Variants in ATE1 observed in about 807,000 individuals in gnomAD.
ATE1 encodes the protein arginyltransferase 1, also known as arginyl-tRNA--protein transferase 1.
ATE1 carries 36 observed loss-of-function variants against 70.5 expected under a neutral mutation model. The ratio of observed to expected loss-of-function variants is 0.51; its 90% confidence interval spans 0.39 to 0.67. The LOEUF is 0.67. Ranked by LOEUF, ATE1 falls within the 30% of genes least tolerant of loss-of-function variation. The pLI is 0.00. For missense variants in ATE1, 593 were observed against 629.5 expected (o/e 0.94, Z 0.62); for synonymous variants, 232 against 219.3 (o/e 1.06, Z -0.51).
chr10:121,810,756 G>T (rs1013101385), intron 10 of ATE1, among the ~76,000 whole-genome samples: 10 of 152,084 alleles, frequency 6.6e-5, no homozygotes, highest in African/African-American at 2.4e-4. Context: ...AGGCTGGAGT[G>T]CAGTGGTGCA....
chr10:121,769,045 G>A (rs141711118), intron 11 of ATE1, among the ~76,000 whole-genome samples: 9 of 152,008 alleles, frequency 5.9e-5, no homozygotes, highest in Admixed American at 2.0e-4. Flanking sequence ...AGAAGCAAGA[G>A]TATTCTAAAA....
chr10:121,780,153 T>C (rs1590277289), intron 11 of ATE1, among the ~76,000 whole-genome samples: 2 of 152,348 alleles, frequency 1.3e-5, no homozygotes, highest in African/African-American at 2.4e-5. Context: ...ATTGCCTCCT[T>C]GACATCTCTA....
At chr10:121,763,304 C>CA (rs1244281891) in intron 11 of ATE1, among the ~76,000 whole-genome samples, 1 of 152,004 alleles carries the variant, frequency 6.6e-6, no homozygotes, top group East Asian at 1.9e-4. Context: ...CAAAAATACA[C>CA]AAAAAATGTT....
rs1946374334 is a variant in ATE1 at position 121,790,094 on chromosome 10, A to G, written c.1378+75T>C. 8 of 1,591,262 alleles carry G rather than the reference A, an allele frequency of 5.0e-6. No individual in the cohort carries two copies. In the African/African-American group the frequency reaches 6.7e-5, roughly 13 times the overall value. ...ATACAAAGCTACCTGGACCCTGTTA[A>G]GAGCCACAGCCACACACACATGGAT... On this transcript the variant is annotated intron_variant, in intron 11 of 11. Transcript: ENST00000224652.
chr10:121,902,771 T>C, intron 5 of ATE1, 151 bp from the exon 6 acceptor site: 1 of 755,474 alleles, frequency 1.3e-6, no homozygotes, highest in Non-Finnish European at 2.1e-6. Flanking sequence ...GATACAGAGC[T>C]GTAAGTGGAT....
rs899783194 is a variant in ATE1, at chr10:121,820,951, CTTTT to C, written c.1257+15763_1257+15766del. Among the ~76,000 whole-genome samples, 7 of 152,010 alleles carry C rather than the reference CTTTT, an allele frequency of 4.6e-5. No homozygotes were observed. The South Asian group carries it at 1.5e-3, about 32-fold the overall frequency. On this transcript the variant is annotated intron_variant, in intron 10 of 11. Coordinates refer to ENST00000224652, the MANE Select transcript of ATE1 (RefSeq NM_001001976.3). ...CTAAAATATATAGGAAAACATTTCC[CTTTT>C]TTTTGAGATGGAGTCTCGTTCTGTC...
intron 7 of ATE1, chr10:121,898,965 C>A: frequency 6.2e-7 from 1 of 1,613,214 alleles, no homozygotes; most frequent in Non-Finnish European, 8.5e-7. Context: ...AGGTACTAAC[C>A]TCACCTTCAG....
chr10:121,850,425 G>A (rs1188012688), intron 8 of ATE1, among the ~76,000 whole-genome samples: 3 of 152,180 alleles, frequency 2.0e-5, no homozygotes, highest in Non-Finnish European at 4.4e-5. Flanking sequence ...TCCATTCCTA[G>A]AGAAGCCTCC....
chr10:121,791,036 ATG>A (rs1183652462), intron 10 of ATE1, among the ~76,000 whole-genome samples: 46 of 149,186 alleles, frequency 3.1e-4, no homozygotes, highest in African/African-American at 1.1e-3. Flanking sequence ...ATATGTATAT[ATG>A]TGTATATATA....
At chr10:121,859,040 A>G (rs890029058) in intron 8 of ATE1, among the ~76,000 whole-genome samples, 1 of 151,964 alleles carries the variant, frequency 6.6e-6, no homozygotes, top group Non-Finnish European at 1.5e-5. Flanking sequence ...GGATGCTGTG[A>G]GCTGAGATCG....
chr10:121,846,953 T>G (rs1406947839), intron 8 of ATE1, among the ~76,000 whole-genome samples: 1 of 152,244 alleles, frequency 6.6e-6, no homozygotes, highest in East Asian at 1.9e-4. Flanking sequence ...GTTAACCTCT[T>G]ATAACTACAA....
chr10:121,863,398 C>T (rs151190859), intron 8 of ATE1, among the ~76,000 whole-genome samples: 2,544 of 151,738 alleles, frequency 0.017, 69 homozygotes, highest in African/African-American at 0.057. Flanking sequence ...GGATTACAGG[C>T]GCCCGCCACC....
At chr10:121,926,927 TTAA>T in intron 1 of ATE1, 1 of 985,436 alleles carries the variant, frequency 1.0e-6, no homozygotes, top group African/African-American at 1.7e-5. Context: ...CAAGTAGCAC[TTAA>T]TAAACACTTT....
intron 11 of ATE1, among the ~76,000 whole-genome samples, chr10:121,777,444 C>T (rs928151739): frequency 6.8e-6 from 1 of 147,714 alleles, no homozygotes; most frequent in Non-Finnish European, 1.5e-5. Context: ...CCATCAAGTT[C>T]GAATCTCTTT....
rs182948311 is a variant in ATE1, at chr10:121,913,757, T to C, written c.337+33A>G. The C allele has an allele frequency of 1.2e-4, 176 of 1,452,222 alleles. 1 individual carries two copies. In the African/African-American group the frequency reaches 1.8e-3, roughly 15 times the overall value. 90.0% of individuals were successfully genotyped at this position (1,452,222 alleles called of 1,614,324 possible). A position where few individuals can be genotyped will look rare whatever the true frequency, so the allele number is the denominator to read the frequency against. ...AAAGTGGGACCGTTGCAAAGACAGA[T>C]AGTAAATCGTTTTTAGACCCAGCCC... On this transcript the variant is annotated intron_variant, in intron 4 of 11. Transcript: ENST00000224652.
At chr10:121,842,061 G>A (rs1274358802) in intron 8 of ATE1, among the ~76,000 whole-genome samples, 1 of 152,300 alleles carries the variant, frequency 6.6e-6, no homozygotes, top group East Asian at 1.9e-4. Flanking sequence ...CCTCAGCTCT[G>A]AGAAGGTACA....
chr10:121,870,121 T>C (rs1450577991), intron 7 of ATE1, 83 bp from the exon 8 acceptor site: 2 of 1,335,078 alleles, frequency 1.5e-6, no homozygotes, highest in African/African-American at 1.5e-5. Flanking sequence ...AAAATTATTA[T>C]ACAATTTTCC....
At chr10:121,911,454 A>C (rs183622837) in intron 4 of ATE1, among the ~76,000 whole-genome samples, 136 of 151,718 alleles carry the variant, frequency 9.0e-4, no homozygotes, top group African/African-American at 2.6e-3. Context: ...AAAAAAAAAA[A>C]AAAAAACAAA....
intron 11 of ATE1, among the ~76,000 whole-genome samples, chr10:121,789,613 A>G (rs1191042369): frequency 6.6e-6 from 1 of 151,990 alleles, no homozygotes; most frequent in Non-Finnish European, 1.5e-5. Context: ...ATATACTTTC[A>G]ATGTCTGTAT....
Sources: allele counts gnomAD v4.1 joint callset (sites outside exome capture counted in the v4.1 genomes callset), GRCh38; gene constraint gnomAD v4.1.1; transcripts MANE v1.5; gene names NCBI Gene and HGNC (gene_info 2026-07-23, HGNC 2026-07-21).